Variants in RALGPS1 observed in about 807,000 individuals in gnomAD.
RALGPS1 encodes the protein Ral GEF with PH domain and SH3 binding motif 1.
In RALGPS1, 19 loss-of-function variants were observed where a neutral mutation model predicts 78.8. That is an observed-to-expected ratio of 0.24 (90% CI 0.17 to 0.35). The LOEUF (loss-of-function observed/expected upper bound fraction) is 0.35. Among genes scored for constraint, RALGPS1 ranks in the 10% least tolerant of loss-of-function variants. The pLI is 1.00. For synonymous variants in RALGPS1, 228 were observed against 256.3 expected, an observed-to-expected ratio of 0.89 and a Z score of 1.06; for missense variants, 454 against 688.3, an observed-to-expected ratio of 0.66 and a Z score of 3.81.
rs530092914 is a variant in RALGPS1 at position 127,183,154 on chromosome 9, G to A, written c.910+8372G>A. On this transcript the variant is annotated intron_variant, in intron 11 of 18. Coordinates refer to ENST00000259351, the MANE Select transcript of RALGPS1 (RefSeq NM_014636.3). This position sits in a 1 kb window ranked among gnomAD's most constrained non-coding sequence, Gnocchi z 4.0. ...AGCCATTCATGAAGGATCCGCCCCC[G>A]ACCCAGTCACCCCACCAGGCCTCGC... Among the ~76,000 whole-genome samples the A allele has an allele frequency of 2.7e-4, 40 of 148,930 alleles. No individual in the cohort carries two copies. The highest frequency in any genetic ancestry group is 9.2e-4 in the African/African-American group (38 of 41,240).
chr9:127,154,966 G>A (rs2058630611), intron 8 of RALGPS1, among the ~76,000 whole-genome samples: 1 of 152,154 alleles, frequency 6.6e-6, no homozygotes, highest in South Asian at 2.1e-4. Context: ...CAATATAGAG[G>A]CAGGTTTCTA....
intron 8 of RALGPS1, among the ~76,000 whole-genome samples, chr9:127,148,284 C>T (rs1325033688): frequency 6.6e-6 from 1 of 152,208 alleles, no homozygotes; most frequent in East Asian, 1.9e-4. Flanking sequence ...TCTCTCTGCA[C>T]ACCCAGGTGG....
At chr9:127,019,319 T>A (rs926776595) in intron 4 of RALGPS1, among the ~76,000 whole-genome samples, 7 of 151,914 alleles carry the variant, frequency 4.6e-5, no homozygotes, top group African/African-American at 1.7e-4. Flanking sequence ...GTTCATTTTT[T>A]ATTTTATTTT....
intron 3 of RALGPS1, among the ~76,000 whole-genome samples, chr9:126,969,147 A>G (rs1398198688): frequency 6.6e-6 from 1 of 152,270 alleles, no homozygotes; most frequent in Non-Finnish European, 1.5e-5. Flanking sequence ...TGTCTAAAAT[A>G]TTATCATTTT....
At chr9:126,955,631 T>C (rs994754505) in intron 1 of RALGPS1, among the ~76,000 whole-genome samples, 6 of 152,116 alleles carry the variant, frequency 3.9e-5, no homozygotes, top group African/African-American at 1.4e-4. Context: ...CAATTTAATA[T>C]ATTTTAATAT....
intron 7 of RALGPS1, among the ~76,000 whole-genome samples, chr9:127,055,448 G>A (rs552601470): frequency 1.1e-4 from 16 of 152,280 alleles, no homozygotes; most frequent in Admixed American, 9.2e-4. Flanking sequence ...AAACTTCTGG[G>A]CTCAAGCAGT....
intron 8 of RALGPS1, among the ~76,000 whole-genome samples, chr9:127,099,750 C>T (rs148605612): frequency 2.3e-4 from 35 of 152,356 alleles, no homozygotes; most frequent in Non-Finnish European, 4.6e-4. Context: ...AACCTAAACA[C>T]AGGAATAGCT....
Position 127,222,542 on chromosome 9 carries a change from C to T in RALGPS1, c.*3773C>T, listed in dbSNP as rs1446657465. On this transcript the variant is annotated 3_prime_UTR_variant, in exon 19 of 19. Transcript: ENST00000259351. ...TTTTCTTGGGTGTTGAGAACTTGTA[C>T]CATGGACTTCAGACCGCCTTGCAGC... 1 of 152,308 alleles carries T rather than the reference C, an allele frequency of 6.6e-6. No individual in the cohort carries two copies. The highest frequency in any genetic ancestry group is 1.9e-4 in the East Asian group (1 of 5,202). 9.4% of individuals were successfully genotyped at this position (152,308 alleles called of 1,614,324 possible). A position where few individuals can be genotyped will look rare whatever the true frequency, so the allele number is the denominator to read the frequency against.
intron 1 of RALGPS1, among the ~76,000 whole-genome samples, chr9:126,920,184 T>G (rs2034611383): frequency 6.6e-6 from 1 of 152,176 alleles, no homozygotes; most frequent in African/African-American, 2.4e-5. Context: ...GTGATGGACC[T>G]GTGCTTAGAC....
At chr9:127,117,199 G>A (rs1490291743) in intron 8 of RALGPS1, among the ~76,000 whole-genome samples, 2 of 152,184 alleles carry the variant, frequency 1.3e-5, no homozygotes, top group Admixed American at 6.5e-5. Context: ...TCCATTCAGT[G>A]AGGTCTTCCC....
chr9:127,101,820 G>A (rs1020825411), intron 8 of RALGPS1, among the ~76,000 whole-genome samples: 2 of 152,074 alleles, frequency 1.3e-5, no homozygotes, highest in Non-Finnish European at 2.9e-5. Context: ...CATTTATAAC[G>A]TAAACAAATT....
chr9:127,144,669 A>G (rs888874599), intron 8 of RALGPS1, among the ~76,000 whole-genome samples: 1 of 152,282 alleles, frequency 6.6e-6, no homozygotes, highest in Non-Finnish European at 1.5e-5. Context: ...CCATTCAGCC[A>G]TAAAGGCAGT....
intron 8 of RALGPS1, among the ~76,000 whole-genome samples, chr9:127,157,670 T>C (rs1165313434): frequency 6.6e-6 from 1 of 152,112 alleles, no homozygotes; most frequent in Admixed American, 6.5e-5. Context: ...AAGAATGACA[T>C]TGATTTATGT....
At chr9:126,948,701 A>G (rs2037511821) in intron 1 of RALGPS1, among the ~76,000 whole-genome samples, 1 of 152,054 alleles carries the variant, frequency 6.6e-6, no homozygotes, top group Admixed American at 6.5e-5. Flanking sequence ...CTGTCACAGG[A>G]TGGCTGCCTG....
chr9:126,989,496 C>A (rs1052716347), intron 4 of RALGPS1, among the ~76,000 whole-genome samples: 23 of 152,144 alleles, frequency 1.5e-4, no homozygotes, highest in Non-Finnish European at 2.8e-4. Context: ...GGACTGTGGG[C>A]CTTGGAGGTG....
chr9:127,047,956 C>T (rs895363669), intron 5 of RALGPS1, among the ~76,000 whole-genome samples: 1 of 152,178 alleles, frequency 6.6e-6, no homozygotes, highest in Non-Finnish European at 1.5e-5. Context: ...CCTTATCTCC[C>T]TCTTCTTCCC....
chr9:127,027,147 G>A (rs539028024), intron 4 of RALGPS1, among the ~76,000 whole-genome samples: 5 of 152,270 alleles, frequency 3.3e-5, no homozygotes, highest in Admixed American at 1.3e-4. Flanking sequence ...CAAAATCCGT[G>A]CTGATCTCCA....
chr9:126,935,698 G>T (rs77797938), intron 1 of RALGPS1, among the ~76,000 whole-genome samples: 11,642 of 152,246 alleles, frequency 0.076, 1,470 homozygotes, highest in African/African-American at 0.26. Flanking sequence ...TCCTAAGGAG[G>T]ATGCTAGAAA....
chr9:126,932,182 T>C (rs1406828877), intron 1 of RALGPS1, among the ~76,000 whole-genome samples: 1 of 152,174 alleles, frequency 6.6e-6, no homozygotes, highest in Non-Finnish European at 1.5e-5. Flanking sequence ...GAAAAGGGAT[T>C]GTGGTACTTG....
Sources: gnomAD v4.1 joint callset for allele counts (sites outside exome capture counted in the v4.1 genomes callset) on GRCh38, gnomAD v4.1.1 for gene constraint, Gnocchi (gnomAD v3.1) non-coding constraint, MANE v1.5 for transcripts, NCBI Gene and HGNC (gene_info 2026-07-23, HGNC 2026-07-21) for gene names.